RARB: variants seen among roughly 807,000 people sequenced by gnomAD.
RARB encodes retinoic acid receptor beta, also known as HBV-activated protein.
RARB carries 17 observed loss-of-function variants against 51.9 expected under a neutral mutation model. The observed-to-expected ratio is 0.33, with a 90% CI of 0.22 to 0.49. The LOEUF is 0.49. Ranked by LOEUF, RARB falls within the 20% of genes least tolerant of loss-of-function variation. The pLI is 0.99. For missense variants in RARB, 369 were observed against 550.8 expected (o/e 0.67, Z 3.30); for synonymous variants, 215 against 195.4 (o/e 1.10, Z -0.84).
intron 2 of RARB, among the ~76,000 whole-genome samples, chr3:24,903,510 T>G (rs1207944189): frequency 6.6e-6 from 1 of 152,190 alleles, no homozygotes; most frequent in Non-Finnish European, 1.5e-5. Flanking sequence ...ATATTTAATA[T>G]TTTCAACCAT....
At chr3:25,152,536 C>T (rs1035081476) in intron 4 of RARB, among the ~76,000 whole-genome samples, 1 of 151,812 alleles carries the variant, frequency 6.6e-6, no homozygotes, top group Non-Finnish European at 1.5e-5. Flanking sequence ...AACACTGCTC[C>T]CAGGGAAGGA....
chr3:25,265,721 C>T (rs1703110379), intron 5 of RARB, among the ~76,000 whole-genome samples: 1 of 152,140 alleles, frequency 6.6e-6, no homozygotes, highest in African/African-American at 2.4e-5. Context: ...ATCCACACGC[C>T]TCCGCCTCCC....
intron 5 of RARB, among the ~76,000 whole-genome samples, chr3:25,324,914 T>C (rs1984597): frequency 0.22 from 32,739 of 152,092 alleles, 3,974 homozygotes; most frequent in African/African-American, 0.33. Context: ...AAAGGAGTCC[T>C]GATCCAGACC....
intron 2 of RARB, among the ~76,000 whole-genome samples, chr3:24,915,087 C>T (rs2125382641): frequency 6.6e-6 from 1 of 152,220 alleles, no homozygotes; most frequent in East Asian, 1.9e-4. Context: ...GGGGAGAGGA[C>T]CACTCTTTAT....
intron 5 of RARB, among the ~76,000 whole-genome samples, chr3:25,253,591 G>T (rs1221597515): frequency 1.3e-5 from 2 of 152,072 alleles, no homozygotes; most frequent in African/African-American, 2.4e-5. Context: ...TAATAGAAAG[G>T]AAGAGTAGAG....
chr3:25,361,638 C>T (rs1254154096), intron 5 of RARB, among the ~76,000 whole-genome samples: 1 of 152,166 alleles, frequency 6.6e-6, no homozygotes, highest in Non-Finnish European at 1.5e-5. Context: ...TTGTTCTTTG[C>T]TGTTGGTGAC....
At chr3:25,048,107 A>G (rs2125298210) in intron 2 of RARB, among the ~76,000 whole-genome samples, 1 of 152,338 alleles carries the variant, frequency 6.6e-6, no homozygotes, top group Middle Eastern at 3.4e-3. Flanking sequence ...CTGAACTGTG[A>G]GTCCACTATA....
intron 3 of RARB, among the ~76,000 whole-genome samples, chr3:25,116,312 T>G (rs1479906457): frequency 6.6e-6 from 1 of 152,150 alleles, no homozygotes; most frequent in Non-Finnish European, 1.5e-5. Flanking sequence ...GTTTAAAATG[T>G]GTGTTTTAGC....
At chr3:25,456,649 G>A (rs1694924849) in intron 1 of RARB, among the ~76,000 whole-genome samples, 2 of 105,840 alleles carry the variant, frequency 1.9e-5, no homozygotes, top group South Asian at 7.2e-4. Flanking sequence ...CAATTCTGAG[G>A]GTGATATTTG....
chr3:25,528,621 C>G (rs559345013), intron 3 of RARB, among the ~76,000 whole-genome samples: 1 of 152,152 alleles, frequency 6.6e-6, no homozygotes, highest in South Asian at 2.1e-4. Context: ...GGTGGGATCT[C>G]AAAGCAGTCT....
chr3:25,221,679 C>A (rs1274324160), intron 5 of RARB, among the ~76,000 whole-genome samples: 1 of 152,176 alleles, frequency 6.6e-6, no homozygotes, highest in Non-Finnish European at 1.5e-5. Flanking sequence ...TTCTCCTCTT[C>A]CCTCTCCCAT....
At chr3:25,078,399 A>G (rs762949895) in intron 3 of RARB, among the ~76,000 whole-genome samples, 22 of 152,240 alleles carry the variant, frequency 1.4e-4, no homozygotes, top group Admixed American at 3.9e-4. Context: ...TCTTCCATCA[A>G]TAATCAATTG....
At chr3:24,945,981 G>A (rs996455788) in intron 2 of RARB, among the ~76,000 whole-genome samples, 9 of 152,092 alleles carry the variant, frequency 5.9e-5, no homozygotes, top group Admixed American at 2.6e-4. Context: ...CTTAAGAATC[G>A]CTGGCCAGGC....
intron 2 of RARB, among the ~76,000 whole-genome samples, chr3:24,882,811 T>A (rs1317859400): frequency 1.3e-5 from 2 of 152,210 alleles, no homozygotes; most frequent in Non-Finnish European, 2.9e-5. Context: ...AGACATGTGC[T>A]TAACCAGCAT....
At chr3:25,197,361 A>G (rs951374161) in intron 5 of RARB, among the ~76,000 whole-genome samples, 5 of 152,120 alleles carry the variant, frequency 3.3e-5, no homozygotes, top group Non-Finnish European at 7.4e-5. Context: ...GGTTTGTCAA[A>G]GATCAGATGG....
chr3:25,007,605 C>CA (rs1279154112), intron 2 of RARB, among the ~76,000 whole-genome samples: 1 of 60,640 alleles, frequency 1.6e-5, no homozygotes, highest in Admixed American at 2.0e-4. Flanking sequence ...AAAAAAAAAA[C>CA]AAAAAAACCT....
chr3:25,594,659 C>T lies in RARB; in HGVS notation c.1131C>T (p.Leu377=), dbSNP rs774436549. 6.2e-6 allele frequency: 10 copies of T among 1,612,882 alleles called. No individual in the cohort carries two copies. The South Asian group carries it at 1.1e-4, about 18-fold the overall frequency. The change falls in exon 7 of 8, where the codon CTC becomes CTT. Residue 377 remains leucine (L), a synonymous_variant. Coordinates refer to ENST00000330688, the MANE Select transcript of RARB (RefSeq NM_000965.5). The part of the protein sequence containing the change: ...FPKILMKITD[L]RSISAKGAER... ...AGATCTTAATGAAAATCACAGATCT[C>T]CGTAGCATCAGTGCTAAAGGTATGT... is the stretch of plus-strand genomic sequence containing the variant.
chr3:24,904,243 T>G (rs976608897), intron 2 of RARB, among the ~76,000 whole-genome samples: 9 of 152,192 alleles, frequency 5.9e-5, no homozygotes, highest in African/African-American at 1.9e-4. Flanking sequence ...TGTTGTAATG[T>G]GTGTGTTAGT....
At chr3:25,161,858 C>T (rs571820032) in intron 4 of RARB, among the ~76,000 whole-genome samples, 9 of 152,298 alleles carry the variant, frequency 5.9e-5, no homozygotes, top group Non-Finnish European at 8.8e-5. Flanking sequence ...GTGAGGACCA[C>T]GACCTAACCC....
Sources: gnomAD v4.1 joint callset for allele counts (sites outside exome capture counted in the v4.1 genomes callset) on GRCh38, gnomAD v4.1.1 for gene constraint, MANE v1.5 for transcripts, NCBI Gene and HGNC (gene_info 2026-07-23, HGNC 2026-07-21) for gene names.